PTBP3: variants seen among roughly 807,000 people sequenced by gnomAD.
PTBP3 encodes polypyrimidine tract-binding protein 3.
In PTBP3, 20 loss-of-function variants were observed where a neutral mutation model predicts 58.7. The ratio of observed to expected loss-of-function variants is 0.34; its 90% CI spans 0.24 to 0.50. The LOEUF is 0.50. Ranked by LOEUF, PTBP3 falls within the 20% of genes least tolerant of loss-of-function variation. The probability of loss-of-function intolerance (pLI) is 0.98; values close to 1 mark genes in which losing one functional copy is unlikely to be tolerated. For missense variants in PTBP3, 509 were observed against 637.2 expected (o/e 0.80, Z 2.17); for synonymous variants, 185 against 219.8 (o/e 0.84, Z 1.40).
At chr9:112,277,418 ACT>A (rs1827654626) in intron 2 of PTBP3, among the ~76,000 whole-genome samples, 3 of 152,134 alleles carry the variant, frequency 2.0e-5, no homozygotes, top group African/African-American at 7.2e-5. Flanking sequence ...CTCCAAAATG[ACT>A]ACTGATTATA....
At chr9:112,351,658 T>C in the PTBP3 span, among the ~76,000 whole-genome samples, 1 of 152,214 alleles carries the variant, frequency 6.6e-6, no homozygotes. Context: ...TACTTATATG[T>C]TCAATCATTT....
rs772083212 is a variant in PTBP3 at position 112,333,437 on chromosome 9, C to A, written c.-52+33G>T. 8.3e-6 allele frequency: 13 copies of A among 1,569,180 alleles called. No individual in the cohort carries two copies. In the Admixed American group the frequency reaches 2.3e-4, roughly 28 times the overall value. On this transcript the variant is annotated intron_variant, in intron 1 of 13. Coordinates refer to ENST00000374257, the MANE Select transcript of PTBP3 (RefSeq NM_001163788.4). ...CCGGGTGGAAGCGGCGCCAAGGCAA[C>A]CCGGTGCGGCCGCCGCGCCGCCTAG...
chr9:112,377,555 T>A, the PTBP3 span, among the ~76,000 whole-genome samples: 1 of 152,168 alleles, frequency 6.6e-6, no homozygotes, highest in Non-Finnish European at 1.5e-5. Flanking sequence ...CCAGAATTCT[T>A]CTAAATTCTC....
intron 2 of PTBP3, among the ~76,000 whole-genome samples, chr9:112,296,864 C>A (rs191249690): frequency 1.3e-5 from 2 of 152,232 alleles, no homozygotes; most frequent in East Asian, 3.9e-4. Context: ...TGGTGATATC[C>A]CTTATTCAAA....
At chr9:112,252,947 C>T (rs951316054) in intron 5 of PTBP3, among the ~76,000 whole-genome samples, 159 bp from the exon 6 acceptor site, 3 of 152,120 alleles carry the variant, frequency 2.0e-5, no homozygotes, top group Non-Finnish European at 2.9e-5. Flanking sequence ...CATTTCAATA[C>T]CCATGACTAT....
At chr9:112,277,882 G>GTAACA (rs57476799) in intron 2 of PTBP3, among the ~76,000 whole-genome samples, 3,938 of 130,128 alleles carry the variant, frequency 0.03, 121 homozygotes, top group Middle Eastern at 0.075. Flanking sequence ...TCAAAATAAC[G>GTAACA]TAACATAACA....
At chr9:112,333,085 TC>T in intron 1 of PTBP3, 1 of 1,270,920 alleles carries the variant, frequency 7.9e-7, no homozygotes. Flanking sequence ...CGCCTCCGCC[TC>T]CCCCAGCGCC....
the PTBP3 span, among the ~76,000 whole-genome samples, chr9:112,357,586 C>A: frequency 6.6e-6 from 1 of 152,146 alleles, no homozygotes; most frequent in Admixed American, 6.5e-5. Flanking sequence ...TGGGTTCAAG[C>A]AATCTGCTAG....
rs1263745456 is a variant in PTBP3 at position 112,222,523 on chromosome 9, T to C, written c.*1328A>G. The C allele has an allele frequency of 4.1e-6, 4 of 985,520 alleles. No homozygotes were observed. In the Admixed American group the frequency reaches 1.8e-4, roughly 46 times the overall value. 61.0% of individuals were successfully genotyped at this position (985,520 alleles called of 1,614,324 possible). ...TCTACAGCCCCAAATTGATATGCAA[T>C]AACCCCTATCAGTCACAATGTAAAG... On this transcript the variant is annotated 3_prime_UTR_variant, in exon 14 of 14. Transcript: ENST00000374257.
chr9:112,310,559 C>T (rs1829432180), intron 1 of PTBP3, among the ~76,000 whole-genome samples: 1 of 152,202 alleles, frequency 6.6e-6, no homozygotes, highest in Non-Finnish European at 1.5e-5. Flanking sequence ...TGTGCCAGGC[C>T]TTTAACCACT....
the PTBP3 span, among the ~76,000 whole-genome samples, chr9:112,376,046 C>T: frequency 6.6e-6 from 1 of 151,686 alleles, no homozygotes; most frequent in African/African-American, 2.4e-5. Context: ...GGTCATATGG[C>T]CCAAGTGGCA....
the PTBP3 span, among the ~76,000 whole-genome samples, chr9:112,346,305 C>G: frequency 6.6e-6 from 1 of 151,224 alleles, no homozygotes; most frequent in Non-Finnish European, 1.5e-5. Flanking sequence ...GTAGCTGGGA[C>G]AAAGGTGCGT....
intron 1 of PTBP3, among the ~76,000 whole-genome samples, chr9:112,326,876 CTCAT>C (rs1830177454): frequency 6.6e-6 from 1 of 152,076 alleles, no homozygotes; most frequent in Admixed American, 6.6e-5. Flanking sequence ...ACAGTTATCA[CTCAT>C]TATCATCTAG....
At chr9:112,231,957 GAGAAGAGAAGAGAGAAGAGAAGAGA>G (rs1339146346) in intron 9 of PTBP3, 117 bp downstream of exon 9, 55 of 378,502 alleles carry the variant, frequency 1.5e-4, no homozygotes, top group South Asian at 3.9e-4. Context: ...GAGAAGAGAA[GAGAAGAGAAGAGAGAAGAGAAGAGA>G]AGAGAAGAGA....
Position 112,333,545 on chromosome 9 carries a change from G to A in PTBP3, c.-127C>T. 6.5e-7 allele frequency: 1 copy of A among 1,545,370 alleles called. No homozygotes were observed. The highest frequency in any genetic ancestry group is 1.8e-5 in the Admixed American group (1 of 55,282). On this transcript the variant is annotated 5_prime_UTR_variant, in exon 1 of 14. Transcript: ENST00000374257. ...ACCGCGAGCAGAGGAAGCAGGCGGCGGCAGCAGGGCGGTTCCGGGGACAAG... is the reference window on the plus strand; with the variant it reads ...ACCGCGAGCAGAGGAAGCAGGCGGCAGCAGCAGGGCGGTTCCGGGGACAAG...
At chr9:112,305,636 A>C (rs2132352988) in intron 1 of PTBP3, among the ~76,000 whole-genome samples, 1 of 152,186 alleles carries the variant, frequency 6.6e-6, no homozygotes, top group East Asian at 1.9e-4. Flanking sequence ...CTAGCAAACC[A>C]TGCTGTGAGT....
intron 8 of PTBP3, among the ~76,000 whole-genome samples, chr9:112,232,547 C>A (rs1038575658): frequency 1.3e-5 from 2 of 152,168 alleles, no homozygotes; most frequent in Non-Finnish European, 2.9e-5. Flanking sequence ...CCCTCTGTTT[C>A]TTACAATAGA....
chr9:112,316,573 T>C (rs73543876), intron 1 of PTBP3, among the ~76,000 whole-genome samples: 5,581 of 152,280 alleles, frequency 0.037, 201 homozygotes, highest in African/African-American at 0.098. Flanking sequence ...CACGCCCAGA[T>C]TCCTGACACA....
At chr9:112,268,336 A>C (rs1484251307) in intron 3 of PTBP3, 141 bp from the exon 4 acceptor site, 2 of 770,752 alleles carry the variant, frequency 2.6e-6, no homozygotes, top group East Asian at 3.1e-5. Flanking sequence ...AAAAACAAAA[A>C]AACACCTTTG....
Sources: gnomAD v4.1 joint callset for allele counts (sites outside exome capture counted in the v4.1 genomes callset) on GRCh38, gnomAD v4.1.1 for gene constraint, MANE v1.5 for transcripts, NCBI Gene and HGNC (gene_info 2026-07-23, HGNC 2026-07-21) for gene names.